OOSP2: variants seen among roughly 807,000 people sequenced by gnomAD.
OOSP2 encodes the protein oocyte secreted protein 2.
OOSP2 carries 7 observed loss-of-function variants against 13.4 expected under a neutral mutation model. The observed-to-expected ratio is 0.52, with a 90% CI of 0.30 to 0.98. The LOEUF (loss-of-function observed/expected upper bound fraction) is 0.98, where lower values mean the gene tolerates loss of function less well. Among genes scored for constraint, OOSP2 ranks in the 50% least tolerant of loss-of-function variants. OOSP2 has a pLI of 0.07. For missense variants in OOSP2, 184 were observed against 188.5 expected (o/e 0.98, Z 0.14); for synonymous variants, 75 against 67.2 (o/e 1.12, Z -0.57).
At chr11:60,044,488 T>G (rs1229745305) in intron 2 of OOSP2, among the ~76,000 whole-genome samples, 183 bp from the exon 3 acceptor site, 1 of 152,242 alleles carries the variant, frequency 6.6e-6, no homozygotes, top group Non-Finnish European at 1.5e-5. Flanking sequence ...CCCAGGCATT[T>G]TAAATTCACT....
intron 3 of OOSP2, chr11:60,046,720 A>T (rs1855012297): frequency 1.5e-6 from 1 of 649,266 alleles, no homozygotes; most frequent in South Asian, 1.5e-5. Flanking sequence ...TCAGTGTTTG[A>T]TGCAGAAATC....
At position 60,040,531 on chromosome 11, in the gene OOSP2, A is replaced by T; in HGVS notation, c.64+8A>T. 6.6e-7 allele frequency: 1 copy of T among 1,518,018 alleles called. No individual in the cohort carries two copies. The highest frequency in any genetic ancestry group is 9.2e-7 in the Non-Finnish European group (1 of 1,092,186). 94.0% of individuals were successfully genotyped at this position (1,518,018 alleles called of 1,614,324 possible). ...GTGCTGAGAACCTCCATGGTAAATAACAAGTTTTAGAGAATGCTTCCTCGA... is the reference window on the plus strand; with the variant it reads ...GTGCTGAGAACCTCCATGGTAAATATCAAGTTTTAGAGAATGCTTCCTCGA... On this transcript the variant is annotated splice_region_variant and intron_variant, in intron 1 of 3. Coordinates refer to ENST00000278855, the MANE Select transcript of OOSP2 (RefSeq NM_173801.5).
intron 3 of OOSP2, among the ~76,000 whole-genome samples, chr11:60,045,931 CTCTGTCCTTG>C (rs1855001390): frequency 6.6e-6 from 1 of 152,148 alleles, no homozygotes; most frequent in African/African-American, 2.4e-5. Context: ...CTATCTCTGT[CTCTGTCCTTG>C]TCTGTCCCTG....
rs1442408671 is a variant in OOSP2, at chr11:60,043,734, T to C, written c.243+87T>C. The C allele has an allele frequency of 2.2e-5, 16 of 721,782 alleles. No homozygotes were observed. The South Asian group carries it at 3.0e-4, about 14-fold the overall frequency. The allele number at this position is 721,782 out of a possible 1,614,324, so 44.7% of individuals were successfully genotyped here. A position where few individuals can be genotyped will look rare whatever the true frequency, so the allele number is the denominator to read the frequency against. ...TTAAAATTGTCTTTTAAAAAAATAA[T>C]GTTTGCTTCTCATTGTAGTAATTTA... On this transcript the variant is annotated intron_variant, in intron 2 of 3. Coordinates refer to ENST00000278855, the MANE Select transcript of OOSP2 (RefSeq NM_173801.5).
intron 1 of OOSP2, among the ~76,000 whole-genome samples, chr11:60,042,913 T>A (rs1017874272): frequency 2.0e-5 from 3 of 152,088 alleles, no homozygotes; most frequent in South Asian, 2.1e-4. Context: ...CTTTCTTATT[T>A]TTTTTTTCTT....
chr11:60,042,460 T>C (rs1854948485), intron 1 of OOSP2, among the ~76,000 whole-genome samples: 2 of 152,340 alleles, frequency 1.3e-5, no homozygotes, highest in Middle Eastern at 3.4e-3. Context: ...CAAGCTCCAG[T>C]GGTGGTGGAG....
At chr11:60,043,974 T>C (rs1854974451) in intron 2 of OOSP2, among the ~76,000 whole-genome samples, 1 of 152,234 alleles carries the variant, frequency 6.6e-6, no homozygotes, top group Admixed American at 6.5e-5. Flanking sequence ...GGAAGCTCCA[T>C]CATGTTCAAT....
chr11:60,042,556 C>T (rs1854949656), intron 1 of OOSP2, among the ~76,000 whole-genome samples: 3 of 152,076 alleles, frequency 2.0e-5, no homozygotes, highest in Admixed American at 1.3e-4. Context: ...GAATCTATTG[C>T]AAATAATGAT....
intron 1 of OOSP2, among the ~76,000 whole-genome samples, chr11:60,042,103 A>C (rs977312781): frequency 6.6e-6 from 1 of 152,202 alleles, no homozygotes; most frequent in Admixed American, 6.5e-5. Flanking sequence ...TGGGTGACAG[A>C]GCGAGACTCC....
Position 60,040,506 on chromosome 11 carries a change from G to A in OOSP2, c.47G>A (p.Gly16Asp). The A allele has an allele frequency of 6.3e-7, 1 of 1,592,122 alleles. No individual in the cohort carries two copies. The highest frequency in any genetic ancestry group is 1.1e-5 in the South Asian group (1 of 90,602). The change falls in exon 1 of 4, where the codon GGT becomes GAT. Residue 16 changes from glycine to aspartate, a missense_variant. Coordinates refer to ENST00000278855, the MANE Select transcript of OOSP2 (RefSeq NM_173801.5). ...CTCCTCGCTGTCTTGATTTGGACCGGTGCTGAGAACCTCCATGGTAAATAA... is the reference window on the plus strand; with the variant it reads ...CTCCTCGCTGTCTTGATTTGGACCGATGCTGAGAACCTCCATGGTAAATAA... ...LMLLAVLIWT[G>D]AENLHVKISC...
intron 3 of OOSP2, among the ~76,000 whole-genome samples, chr11:60,045,423 T>C (rs978072398): frequency 6.6e-6 from 1 of 151,926 alleles, no homozygotes; most frequent in Admixed American, 6.6e-5. Context: ...TAAATCTGAG[T>C]GAAGAACCTT....
chr11:60,043,050 GCT>G, intron 1 of OOSP2, among the ~76,000 whole-genome samples: 1 of 151,816 alleles, frequency 6.6e-6, no homozygotes. Flanking sequence ...GACTACAGGC[GCT>G]TGCCACCACA....
chr11:60,044,740 C>A lies in OOSP2; in HGVS notation c.313C>A (p.Pro105Thr). Residue 105 changes from proline to threonine, a missense_variant, in exon 3 of 4, where the codon CCT becomes ACT. Coordinates refer to ENST00000278855, the MANE Select transcript of OOSP2 (RefSeq NM_173801.5). ...YFTPRNIDHDPQEIHLECSTS... is the reference protein window; with the variant it reads ...YFTPRNIDHDTQEIHLECSTS... Reference sequence around the variant, plus strand: ...TACCCCAAGGAATATAGATCATGACCCTCAGGAAATCCATTTGGAGTGTTC... The same window carrying A: ...TACCCCAAGGAATATAGATCATGACACTCAGGAAATCCATTTGGAGTGTTC... 2 of 1,599,000 alleles carry A rather than the reference C, an allele frequency of 1.3e-6. No homozygotes were observed. The highest frequency in any genetic ancestry group is 1.7e-6 in the Non-Finnish European group (2 of 1,166,824).
Position 60,046,922 on chromosome 11 carries a change from T to C in OOSP2, c.348-22T>C, listed in dbSNP as rs182298905. The C allele has an allele frequency of 1.1e-5, 17 of 1,604,444 alleles. No homozygotes were observed. In the East Asian group the frequency reaches 3.6e-4, roughly 34 times the overall value. ...TCCCAAGTGCTCCAACACTATCTGCTTTCTGTTTCCCTTTTCTTTAGGAAA... is the reference window on the plus strand; with the variant it reads ...TCCCAAGTGCTCCAACACTATCTGCCTTCTGTTTCCCTTTTCTTTAGGAAA... On this transcript the variant is annotated intron_variant, in intron 3 of 3. Transcript: ENST00000278855.
chr11:60,044,722 A>G lies in OOSP2; in HGVS notation c.295A>G (p.Arg99Gly), dbSNP rs778860125. The G allele has an allele frequency of 3.1e-6, 5 of 1,605,208 alleles. No homozygotes were observed. The highest frequency in any genetic ancestry group is 2.2e-5 in the East Asian group (1 of 44,768). ...TCAAACCGAGCTGTACTTTACCCCA[A>G]GGAATATAGATCATGACCCTCAGGA... ...LFQTELYFTP[R>G]NIDHDPQEIH... is the part of the protein sequence containing the mutation. Residue 99 changes from arginine (R) to glycine (G), a missense_variant, in exon 3 of 4, where the codon AGG becomes GGG. Arg to Gly is a moderately radical substitution (Grantham distance 125). Transcript: ENST00000278855.
rs1855023410 is a variant in OOSP2 at position 60,047,548 on chromosome 11, T to C, written c.*475T>C. 1 of 152,256 alleles carries C rather than the reference T, an allele frequency of 6.6e-6. No individual in the cohort carries two copies. Among genetic ancestry groups the C allele is most frequent in the African/African-American group, 2.4e-5 (1 of 41,472 alleles). 9.4% of individuals were successfully genotyped at this position (152,256 alleles called of 1,614,324 possible). On this transcript the variant is annotated 3_prime_UTR_variant, in exon 4 of 4. Transcript: ENST00000278855. ...TTTTATGTGCAGATACTTTAATTCA[T>C]GTAGATTTTCCTATTAATCAGTAAA...
chr11:60,042,646 A>G (rs1187307554), intron 1 of OOSP2, among the ~76,000 whole-genome samples: 1 of 152,214 alleles, frequency 6.6e-6, no homozygotes, highest in African/African-American at 2.4e-5. Context: ...CTAACATCCC[A>G]AATAAAGGGC....
intron 1 of OOSP2, among the ~76,000 whole-genome samples, chr11:60,042,911 T>A (rs1007934957): frequency 1.3e-5 from 2 of 149,866 alleles, no homozygotes; most frequent in African/African-American, 2.5e-5. Context: ...TTCTTTCTTA[T>A]TTTTTTTTTC....
In OOSP2 at chr11:60,043,547, C is replaced by A. The variant is rs375351184; in HGVS notation, c.143C>A (p.Ala48Glu). 8 of 1,610,070 alleles carry A rather than the reference C, an allele frequency of 5.0e-6. No individual in the cohort carries two copies. The East Asian group carries it at 1.1e-4, about 22-fold the overall frequency. The change falls in exon 2 of 4, where the codon GCG becomes GAG. Residue 48 changes from alanine (A) to glutamate (E), a missense_variant. Coordinates refer to ENST00000278855, the MANE Select transcript of OOSP2 (RefSeq NM_173801.5). ...GAAAGCAGAAATCTGTATATATTTGCGGATGAATTACATCTGGGAATGGGC... is the reference window on the plus strand; with the variant it reads ...GAAAGCAGAAATCTGTATATATTTGAGGATGAATTACATCTGGGAATGGGC... ...VAESRNLYIFADELHLGMGCP... is the reference protein window; with the variant it reads ...VAESRNLYIFEDELHLGMGCP...
Sources: gnomAD v4.1 joint callset for allele counts (sites outside exome capture counted in the v4.1 genomes callset) on GRCh38, gnomAD v4.1.1 for gene constraint, MANE v1.5 for transcripts, NCBI Gene and HGNC (gene_info 2026-07-23, HGNC 2026-07-21) for gene names.